Variants in CIB4 observed in about 807,000 individuals in gnomAD.
CIB4 encodes calcium and integrin-binding family member 4.
CIB4 carries 25 observed loss-of-function variants against 25.8 expected under a neutral mutation model. That is an observed-to-expected ratio of 0.97 (90% CI 0.71 to 1.35). CIB4 has a LOEUF of 1.35. CIB4 is among the 40% of genes most tolerant of loss of function. The pLI is 0.00. For synonymous variants in CIB4, 75 were observed against 81.4 expected (o/e 0.92, Z 0.42); for missense variants, 235 against 228.2 (o/e 1.03, Z -0.19).
At chr2:26,631,741 G>A (rs536871762) in intron 2 of CIB4, among the ~76,000 whole-genome samples, 3 of 152,290 alleles carry the variant, frequency 2.0e-5, no homozygotes, top group African/African-American at 7.2e-5. Flanking sequence ...TACTGACAGT[G>A]TTCCCACCTC....
chr2:26,640,952 C>T (rs1343678373), intron 1 of CIB4, among the ~76,000 whole-genome samples: 1 of 152,226 alleles, frequency 6.6e-6, no homozygotes, highest in Non-Finnish European at 1.5e-5. Context: ...CTAGAGCAAG[C>T]TTGTCCAACC....
At chr2:26,594,681 G>C (rs1668645269) in intron 4 of CIB4, among the ~76,000 whole-genome samples, 1 of 152,164 alleles carries the variant, frequency 6.6e-6, no homozygotes, top group Admixed American at 6.5e-5. Context: ...AACTTCAGCA[G>C]AGTCTTGTGA....
At position 26,636,013 on chromosome 2, in the gene CIB4, G is replaced by A. The variant is rs183432007; in HGVS notation, c.89+4520C>T. On this transcript the variant is annotated intron_variant, in intron 2 of 6. Coordinates refer to ENST00000288861, the MANE Select transcript of CIB4 (RefSeq NM_001029881.3). ...GCTCTCCAAAGGCAGCAGTTTGCAA[G>A]CATTTTGCTATTTCACTTTGTTTTT... Among the ~76,000 whole-genome samples, 223 of 152,280 alleles carry A rather than the reference G, an allele frequency of 1.5e-3. 6 individuals are homozygous for A. In the South Asian group the frequency reaches 0.032, roughly 22 times the overall value.
At chr2:26,631,834 G>C (rs1329238663) in intron 2 of CIB4, among the ~76,000 whole-genome samples, 1 of 152,108 alleles carries the variant, frequency 6.6e-6, no homozygotes. Flanking sequence ...CTCCCTCCCA[G>C]CCCCACACGA....
In CIB4 at chr2:26,640,648, C is replaced by T. The variant is rs893541847; in HGVS notation, c.55-81G>A. The T allele has an allele frequency of 9.0e-6, 13 of 1,443,100 alleles. No homozygotes were observed. The African/African-American group carries it at 1.1e-4, about 13-fold the overall frequency. The allele number at this position is 1,443,100 out of a possible 1,614,324, so 89.4% of individuals were successfully genotyped here. On this transcript the variant is annotated intron_variant, in intron 1 of 6. Transcript: ENST00000288861. ...CCTGGGGAGTGGCGCAATTCAGAGGCTGGGGAGGAAATGCCCATTCTTTTG... is the reference window on the plus strand; with the variant it reads ...CCTGGGGAGTGGCGCAATTCAGAGGTTGGGGAGGAAATGCCCATTCTTTTG...
At position 26,637,355 on chromosome 2, in the gene CIB4, C is replaced by G. The variant is rs564130236; in HGVS notation, c.89+3178G>C. On this transcript the variant is annotated intron_variant, in intron 2 of 6. Transcript: ENST00000288861. ...CTGCGTCATGGGTCTATCTGCTTTGCACTTGTAAAATTTTTGTTGACCTCT... is the reference window on the plus strand; with the variant it reads ...CTGCGTCATGGGTCTATCTGCTTTGGACTTGTAAAATTTTTGTTGACCTCT... Among the ~76,000 whole-genome samples, 274 of 152,194 alleles carry G rather than the reference C, an allele frequency of 1.8e-3. 1 individual carries two copies. Among genetic ancestry groups the G allele is most frequent in the South Asian group, 5.4e-3 (26 of 4,826 alleles).
intron 4 of CIB4, among the ~76,000 whole-genome samples, chr2:26,585,873 G>A (rs537611609): frequency 5.3e-5 from 8 of 151,922 alleles, no homozygotes; most frequent in Non-Finnish European, 1.0e-4. Flanking sequence ...CCCCTCCCCA[G>A]CCCTTACCTC....
intron 3 of CIB4, among the ~76,000 whole-genome samples, chr2:26,605,255 C>A (rs1293528885): frequency 6.6e-6 from 1 of 152,006 alleles, no homozygotes; most frequent in African/African-American, 2.4e-5. Context: ...AAATTAATAG[C>A]ATTAAATGCT....
chr2:26,607,230 T>G (rs1216573972), intron 3 of CIB4, among the ~76,000 whole-genome samples: 1 of 152,212 alleles, frequency 6.6e-6, no homozygotes, highest in Non-Finnish European at 1.5e-5. Flanking sequence ...AAAAAGTTAG[T>G]ATAATGACTT....
At chr2:26,613,974 C>T (rs539793867) in intron 3 of CIB4, among the ~76,000 whole-genome samples, 28 of 152,322 alleles carry the variant, frequency 1.8e-4, no homozygotes, top group Middle Eastern at 3.4e-3. Flanking sequence ...ACTAGCCATT[C>T]GGGCTGCTGG....
chr2:26,622,887 G>A (rs190126930), intron 3 of CIB4, among the ~76,000 whole-genome samples: 3 of 152,268 alleles, frequency 2.0e-5, no homozygotes, highest in East Asian at 3.9e-4. Context: ...GAAGGCTGGG[G>A]CAGAAGAATT....
intron 3 of CIB4, among the ~76,000 whole-genome samples, chr2:26,607,347 G>C (rs1378616039): frequency 6.6e-6 from 1 of 152,074 alleles, no homozygotes; most frequent in Non-Finnish European, 1.5e-5. Flanking sequence ...GAACAAAAAA[G>C]ATAACCAAAA....
chr2:26,604,971 T>C (rs971083162), intron 3 of CIB4, among the ~76,000 whole-genome samples: 2 of 152,170 alleles, frequency 1.3e-5, no homozygotes, highest in African/African-American at 4.8e-5. Flanking sequence ...CAGCAGAATA[T>C]ACATTTTTTT....
rs191716872 is a variant in CIB4 at position 26,596,451 on chromosome 2, T to C, written c.187-1134A>G. On this transcript the variant is annotated intron_variant, in intron 3 of 6. Transcript: ENST00000288861. ...TCTTTTTTAAAAAAGAGTTAAAATA[T>C]AGTAAAACTTGGCCAGGCACGGTGG... Among the ~76,000 whole-genome samples, 993 of 152,192 alleles carry C rather than the reference T, an allele frequency of 6.5e-3. 3 individuals carry two copies. Among genetic ancestry groups the C allele is most frequent in the Middle Eastern group, 0.017 (5 of 294 alleles).
intron 3 of CIB4, among the ~76,000 whole-genome samples, chr2:26,621,899 C>T (rs952682445): frequency 1.3e-5 from 2 of 152,132 alleles, no homozygotes; most frequent in African/African-American, 4.8e-5. Flanking sequence ...TTGGAGAAGA[C>T]TTAGAAGATT....
chr2:26,631,399 A>C (rs1015441324), intron 2 of CIB4, among the ~76,000 whole-genome samples: 3 of 152,190 alleles, frequency 2.0e-5, no homozygotes, highest in African/African-American at 7.2e-5. Context: ...ACTGGATCCC[A>C]GGAGGTTGAG....
chr2:26,582,964 G>A (rs776731009), intron 5 of CIB4, 51 bp from the exon 6 acceptor site: 1 of 1,286,252 alleles, frequency 7.8e-7, no homozygotes, highest in Non-Finnish European at 1.1e-6. Context: ...GTCAGGCAGT[G>A]AGGTGGGGCA....
chr2:26,640,652 G>A, intron 1 of CIB4, 85 bp from the exon 2 acceptor site: 19 of 1,400,666 alleles, frequency 1.4e-5, no homozygotes, highest in Non-Finnish European at 1.8e-5. Flanking sequence ...CAGAGGCTGG[G>A]GAGGAAATGC....
chr2:26,590,258 T>TA (rs869097756), intron 4 of CIB4, among the ~76,000 whole-genome samples: 1,613 of 61,816 alleles, frequency 0.026, 294 homozygotes, highest in African/African-American at 0.045. Flanking sequence ...CAAGCATCTG[T>TA]AAAAAAAAAA....
Sources: allele counts gnomAD v4.1 joint callset (sites outside exome capture counted in the v4.1 genomes callset), GRCh38; gene constraint gnomAD v4.1.1; transcripts MANE v1.5; gene names NCBI Gene and HGNC (gene_info 2026-07-23, HGNC 2026-07-21).